FAAH2: variants seen among roughly 807,000 people sequenced by gnomAD.
The protein encoded by FAAH2 is fatty acid amide hydrolase 2.
Under a neutral mutation model 36.9 loss-of-function variants are expected in FAAH2, and 60 were observed. The observed-to-expected ratio is 1.63, with a 90% CI of 1.32 to 2.02. The LOEUF (loss-of-function observed/expected upper bound fraction) is 2.02. Ranked by LOEUF, FAAH2 falls within the 30% of genes most tolerant of loss-of-function variation. The pLI is 0.00. For missense variants in FAAH2, 689 were observed against 397.5 expected (o/e 1.73, Z -6.23); for synonymous variants, 214 against 143.8 (o/e 1.49, Z -3.49).
chrX:57,374,913 C>A (rs1279960471), intron 5 of FAAH2, among the ~76,000 whole-genome samples: 1 of 111,588 alleles, frequency 9.0e-6, no homozygotes, highest in Non-Finnish European at 1.9e-5. Context: ...GGGTTTTAAT[C>A]ATGAATGGAT....
At chrX:57,373,401 T>TA (rs1402546234) in intron 5 of FAAH2, among the ~76,000 whole-genome samples, 2 of 110,149 alleles carry the variant, frequency 1.8e-5, no homozygotes, top group Admixed American at 9.7e-5. Context: ...TTTTTTTTTT[T>TA]ATTTGATTAT....
At chrX:57,438,139 A>C (rs2056455217) in intron 8 of FAAH2, among the ~76,000 whole-genome samples, 1 of 105,538 alleles carries the variant, frequency 9.5e-6, no homozygotes, top group Non-Finnish European at 1.9e-5. Flanking sequence ...ACGTGTATAT[A>C]TATTTGTGTA....
Position 57,341,341 on chromosome X carries a change from T to C in FAAH2, c.693T>C (p.Ile231=). 1 of 1,210,774 alleles carries C rather than the reference T, an allele frequency of 8.3e-7. No individual in the cohort carries two copies. Among genetic ancestry groups the C allele is most frequent in the African/African-American group, 1.7e-5 (1 of 57,777 alleles). ...TGGGCTCTGATATTGGTGGTAGCATTCGAATGCCTGCTTTCTTCAATGGTA... is the reference window on the plus strand; with the variant it reads ...TGGGCTCTGATATTGGTGGTAGCATCCGAATGCCTGCTTTCTTCAATGGTA... ...IGVGSDIGGS[I]RMPAFFNGIF... is the part of the protein sequence containing the mutation. The change falls in exon 5 of 11, where the codon ATT becomes ATC. Residue 231 remains isoleucine (I), a synonymous_variant. Transcript: ENST00000374900.
intron 7 of FAAH2, among the ~76,000 whole-genome samples, chrX:57,396,376 T>C (rs984202614): frequency 7.4e-4 from 67 of 90,206 alleles, no homozygotes; most frequent in African/African-American, 3.0e-3. Context: ...AGGTTTAGTG[T>C]TTTTTTTTTT....
intron 2 of FAAH2, among the ~76,000 whole-genome samples, chrX:57,306,988 C>CAGATATATATATATATATATATATATAT (rs1339824539): frequency 3.9e-4 from 4 of 10,233 alleles, no homozygotes; most frequent in African/African-American, 4.5e-4. Context: ...CACACACACA[C>CAGATATATATATATATATATATATATAT]ACACAGATAC....
the FAAH2 span, among the ~76,000 whole-genome samples, chrX:57,188,062 T>A: frequency 8.9e-6 from 1 of 111,884 alleles, no homozygotes; most frequent in African/African-American, 3.2e-5. Context: ...GATATCAGGA[T>A]GGTGCTGGCC....
chrX:57,454,033 G>T (rs1413480957), intron 10 of FAAH2, among the ~76,000 whole-genome samples: 1 of 110,904 alleles, frequency 9.0e-6, no homozygotes, highest in African/African-American at 3.3e-5. Context: ...CTCCTCCAAA[G>T]CCCAGGAGCC....
chrX:57,414,850 CTTT>C (rs760473454), intron 7 of FAAH2, among the ~76,000 whole-genome samples: 31 of 57,845 alleles, frequency 5.4e-4, no homozygotes, highest in African/African-American at 1.7e-3. Context: ...TTGTCCTGGG[CTTT>C]TTTTTTTTTT....
At chrX:57,488,707 T>A (rs5915052) in intron 10 of FAAH2, 50 bp from the exon 11 acceptor site, 2 of 1,149,319 alleles carry the variant, frequency 1.7e-6, no homozygotes, top group South Asian at 2.0e-5. Context: ...AAAAAATACG[T>A]TTTCAGGAAC....
chrX:57,194,744 C>G, the FAAH2 span, among the ~76,000 whole-genome samples: 2 of 110,720 alleles, frequency 1.8e-5, no homozygotes, highest in Non-Finnish European at 3.8e-5. Context: ...CTACTCCCCC[C>G]CTTCCACTCA....
intron 5 of FAAH2, among the ~76,000 whole-genome samples, chrX:57,349,435 A>G (rs1481293454): frequency 2.0e-5 from 2 of 99,589 alleles, no homozygotes; most frequent in Non-Finnish European, 4.0e-5. Flanking sequence ...ATATATATAC[A>G]TATATACACA....
intron 7 of FAAH2, among the ~76,000 whole-genome samples, chrX:57,382,128 G>A (rs915036407): frequency 3.6e-5 from 4 of 111,328 alleles, no homozygotes; most frequent in African/African-American, 9.8e-5. Flanking sequence ...TGAAACCAAC[G>A]AGAACAAAGA....
chrX:57,169,906 A>G, the FAAH2 span, among the ~76,000 whole-genome samples: 1 of 109,121 alleles, frequency 9.2e-6, no homozygotes, highest in Non-Finnish European at 1.9e-5. Flanking sequence ...ACACACACAC[A>G]CACCCTTTTC....
At chrX:57,445,928 C>T (rs1362823277) in intron 8 of FAAH2, among the ~76,000 whole-genome samples, 1 of 112,330 alleles carries the variant, frequency 8.9e-6, no homozygotes, top group Admixed American at 9.4e-5. Flanking sequence ...GATGGCCACT[C>T]AAATTTACTT....
the FAAH2 span, among the ~76,000 whole-genome samples, chrX:57,265,816 G>A: frequency 8.9e-6 from 1 of 111,835 alleles, no homozygotes; most frequent in African/African-American, 3.3e-5. Context: ...TGGTACACCA[G>A]CACAGCACAC....
the FAAH2 span, among the ~76,000 whole-genome samples, chrX:57,231,453 C>T: frequency 6.3e-5 from 7 of 111,730 alleles, no homozygotes; most frequent in South Asian, 2.2e-3. Context: ...AATAGTTCCT[C>T]ACTATTTTGC....
chrX:57,402,618 G>A (rs1024985516), intron 7 of FAAH2, among the ~76,000 whole-genome samples: 1 of 112,135 alleles, frequency 8.9e-6, no homozygotes, highest in African/African-American at 3.2e-5. Flanking sequence ...AGAGTCAGGT[G>A]ACAGAGAGGT....
At chrX:57,335,526 C>A in intron 4 of FAAH2, among the ~76,000 whole-genome samples, 1 of 106,129 alleles carries the variant, frequency 9.4e-6, no homozygotes, top group South Asian at 4.0e-4. Context: ...GCCAGCATGT[C>A]CCACCTCCAG....
chrX:57,401,324 G>T (rs1037302989), intron 7 of FAAH2, among the ~76,000 whole-genome samples: 1 of 111,058 alleles, frequency 9.0e-6, no homozygotes, highest in Non-Finnish European at 1.9e-5. Flanking sequence ...AAACAGTCCA[G>T]GTGAGTTGAG....
Sources: gnomAD v4.1 joint callset for allele counts (sites outside exome capture counted in the v4.1 genomes callset) on GRCh38, gnomAD v4.1.1 for gene constraint, MANE v1.5 for transcripts, NCBI Gene and HGNC (gene_info 2026-07-23, HGNC 2026-07-21) for gene names.